Variants in RGS20 observed in about 807,000 individuals in gnomAD.
The protein encoded by RGS20 is regulator of G protein signaling 20, also known as gz-selective GTPase-activating protein.
In RGS20, 30 loss-of-function variants were observed where a neutral mutation model predicts 33.6. The observed-to-expected ratio is 0.89, with a 90% CI of 0.67 to 1.21. The LOEUF (loss-of-function observed/expected upper bound fraction) is 1.21, where lower values mean the gene tolerates loss of function less well. Among genes scored for constraint, RGS20 ranks in the 50% most tolerant of loss-of-function variants. The pLI is 0.00. For missense variants in RGS20, 472 were observed against 502.4 expected (o/e 0.94, Z 0.58); for synonymous variants, 208 against 197.9 (o/e 1.05, Z -0.43).
At chr8:53,889,175 T>C (rs894107985) in intron 2 of RGS20, among the ~76,000 whole-genome samples, 1 of 152,190 alleles carries the variant, frequency 6.6e-6, no homozygotes, top group African/African-American at 2.4e-5. Context: ...GCAAAGTGTG[T>C]ATTGCTTCAC....
chr8:53,851,810 T>A lies in RGS20; in HGVS notation c.-90T>A. 4 of 1,395,354 alleles carry A rather than the reference T, an allele frequency of 2.9e-6. No individual in the cohort carries two copies. The allele number at this position is 1,395,354 out of a possible 1,614,324, so 86.4% of individuals were successfully genotyped here. A position where few individuals can be genotyped will look rare whatever the true frequency, so the allele number is the denominator to read the frequency against. On this transcript the variant is annotated 5_prime_UTR_variant, in exon 1 of 6. Coordinates refer to ENST00000297313, the MANE Select transcript of RGS20 (RefSeq NM_170587.4). ...CCACAGATTCAGAGCCAGCCCAGCA[T>A]TAACCAAACAAAGAGAAGCAGAGTG...
At chr8:53,951,895 TA>T (rs1814717202) in intron 4 of RGS20, among the ~76,000 whole-genome samples, 1 of 150,888 alleles carries the variant, frequency 6.6e-6, no homozygotes, top group African/African-American at 2.4e-5. Flanking sequence ...CACCCACCTG[TA>T]ATCCCAGCTA....
chr8:53,932,537 C>T (rs1443115494), intron 2 of RGS20, among the ~76,000 whole-genome samples: 5 of 152,224 alleles, frequency 3.3e-5, no homozygotes, highest in Non-Finnish European at 7.3e-5. Flanking sequence ...GAGGAGCACA[C>T]TGCAGCTTAG....
chr8:53,936,773 G>A (rs1017622591), intron 2 of RGS20, among the ~76,000 whole-genome samples: 1 of 152,154 alleles, frequency 6.6e-6, no homozygotes, highest in Non-Finnish European at 1.5e-5. Context: ...CCAAAAAAGA[G>A]TTTGTATAGC....
chr8:53,862,439 C>T (rs1007646201), intron 1 of RGS20, among the ~76,000 whole-genome samples: 1 of 152,152 alleles, frequency 6.6e-6, no homozygotes, highest in Non-Finnish European at 1.5e-5. Context: ...CAGCGTGATG[C>T]AAATCCTGCT....
At chr8:53,887,597 A>G (rs1038779095) in intron 2 of RGS20, among the ~76,000 whole-genome samples, 1 of 152,220 alleles carries the variant, frequency 6.6e-6, no homozygotes, top group Non-Finnish European at 1.5e-5. Context: ...GCACACGCCC[A>G]TAGATTTCTT....
chr8:53,883,455 C>T (rs569991799), intron 2 of RGS20, among the ~76,000 whole-genome samples: 11 of 152,026 alleles, frequency 7.2e-5, no homozygotes, highest in South Asian at 2.1e-4. Context: ...TGAGCCACTG[C>T]GCCTGGCCAT....
chr8:53,878,977 G>T (rs1275323665), intron 1 of RGS20, among the ~76,000 whole-genome samples: 1 of 152,162 alleles, frequency 6.6e-6, no homozygotes, highest in Non-Finnish European at 1.5e-5. Context: ...TGCAGATTCC[G>T]ATGCATTGGC....
chr8:53,857,333 C>T (rs1440416283), intron 1 of RGS20, among the ~76,000 whole-genome samples: 2 of 152,196 alleles, frequency 1.3e-5, no homozygotes, highest in Admixed American at 1.3e-4. Context: ...CCTTGTGGCT[C>T]AGGTCCTTGG....
intron 2 of RGS20, among the ~76,000 whole-genome samples, chr8:53,917,832 AT>A (rs1488870343): frequency 6.6e-6 from 1 of 152,104 alleles, no homozygotes; most frequent in Admixed American, 6.6e-5. Flanking sequence ...TCATAATCTA[AT>A]TTTAGGACAT....
chr8:53,913,661 A>G (rs1813407974), intron 2 of RGS20: 1 of 152,186 alleles, frequency 6.6e-6, no homozygotes, highest in Non-Finnish European at 1.5e-5. Flanking sequence ...GAAGACAGAG[A>G]TTGGGTTTCT....
At chr8:53,880,771 T>TAC (rs1244742675) in intron 2 of RGS20, 101 bp from the exon 1 acceptor site, 2 of 1,081,852 alleles carry the variant, frequency 1.8e-6, no homozygotes, top group African/African-American at 1.7e-5. Flanking sequence ...GCCTCGGGGG[T>TAC]ACCCCTAGCA....
chr8:53,946,818 G>C (rs893667379), intron 4 of RGS20, 70 bp downstream of exon 3: 3 of 1,328,898 alleles, frequency 2.3e-6, no homozygotes, highest in Non-Finnish European at 3.2e-6. Flanking sequence ...TCTTTGCCTT[G>C]TATGTTTCAA....
At chr8:53,944,707 T>G (rs540926710) in intron 3 of RGS20, among the ~76,000 whole-genome samples, 1 of 152,074 alleles carries the variant, frequency 6.6e-6, no homozygotes, top group African/African-American at 2.4e-5. Flanking sequence ...GATATAAAAT[T>G]ATCATTAAAA....
chr8:53,896,084 C>T (rs979598669), intron 2 of RGS20, among the ~76,000 whole-genome samples: 3 of 152,056 alleles, frequency 2.0e-5, no homozygotes, highest in Admixed American at 1.3e-4. Context: ...AGTTTGAAAC[C>T]AGCCTGGGCA....
intron 2 of RGS20, among the ~76,000 whole-genome samples, chr8:53,936,336 A>G (rs1433007028): frequency 2.0e-5 from 3 of 152,216 alleles, no homozygotes; most frequent in African/African-American, 4.8e-5. Context: ...ACATGATTGT[A>G]TATTTAGAAA....
At chr8:53,878,903 C>A (rs999840484) in intron 1 of RGS20, among the ~76,000 whole-genome samples, 1 of 152,218 alleles carries the variant, frequency 6.6e-6, no homozygotes, top group African/African-American at 2.4e-5. Flanking sequence ...GATGTGAACA[C>A]AGACCCTTCT....
chr8:53,946,260 G>A (rs546405506), intron 3 of RGS20, among the ~76,000 whole-genome samples: 13 of 152,008 alleles, frequency 8.6e-5, no homozygotes, highest in South Asian at 4.2e-4. Context: ...ACAGGGTCTC[G>A]CTATGATGCC....
At chr8:53,862,019 C>A (rs1432047632) in intron 1 of RGS20, among the ~76,000 whole-genome samples, 3 of 152,094 alleles carry the variant, frequency 2.0e-5, no homozygotes, top group African/African-American at 7.2e-5. Flanking sequence ...TGAAGATAAG[C>A]AGAGTGAAGG....
Sources: allele counts gnomAD v4.1 joint callset (sites outside exome capture counted in the v4.1 genomes callset), GRCh38; gene constraint gnomAD v4.1.1; transcripts MANE v1.5; gene names NCBI Gene and HGNC (gene_info 2026-07-23, HGNC 2026-07-21).